Variants in FCF1 observed in about 807,000 individuals in gnomAD.
FCF1 encodes FCF1 rRNA-processing protein.
FCF1 carries 17 observed loss-of-function variants against 32.5 expected under a neutral mutation model. That is an observed-to-expected ratio of 0.52 (90% CI 0.36 to 0.78). The LOEUF (loss-of-function observed/expected upper bound fraction) is 0.78, where lower values mean the gene tolerates loss of function less well. FCF1 is among the 30% of genes least tolerant of loss of function. The pLI is 0.00. For missense variants in FCF1, 201 were observed against 241.1 expected (o/e 0.83, Z 1.10); for synonymous variants, 84 against 78.4 (o/e 1.07, Z -0.38).
At chr14:74,713,361 G>A in intron 1 of FCF1, 124 bp from the exon 2 acceptor site, 1 of 1,550,108 alleles carries the variant, frequency 6.5e-7, no homozygotes, top group Non-Finnish European at 8.8e-7. Flanking sequence ...ATGCTTTACA[G>A]AGTGGGGAAG....
At position 74,719,911 on chromosome 14, in the gene FCF1, C is replaced by T. The variant is rs115977737; in HGVS notation, c.293-3361C>T. Reference sequence around the variant, plus strand: ...CCCAGCACTTTGGGAGGCCGAAGCACGCGGACTACCTGAGGTCTGGAGTTC... The same window carrying T: ...CCCAGCACTTTGGGAGGCCGAAGCATGCGGACTACCTGAGGTCTGGAGTTC... On this transcript the variant is annotated intron_variant, in intron 4 of 7. Transcript: ENST00000341162. Among the ~76,000 whole-genome samples, 1,131 of 151,968 alleles carry T rather than the reference C, an allele frequency of 7.4e-3. 10 individuals carry two copies. Among genetic ancestry groups the T allele is most frequent in the African/African-American group, 0.026 (1,068 of 41,452 alleles).
chr14:74,719,434 A>G lies in FCF1; in HGVS notation c.292+3335A>G, dbSNP rs528999110. ...CAGGAGTTCAAGACCAGCCTGGGCA[A>G]CATGGTGTGACCGCATCTCTACAAA... On this transcript the variant is annotated intron_variant, in intron 4 of 7. Coordinates refer to ENST00000341162, the MANE Select transcript of FCF1 (RefSeq NM_015962.5). Among the ~76,000 whole-genome samples, 4 of 151,934 alleles carry G rather than the reference A, an allele frequency of 2.6e-5. No homozygotes were observed. The East Asian group carries it at 7.8e-4, about 29-fold the overall frequency.
rs142709021 is a variant in FCF1 at position 74,717,364 on chromosome 14, A to C, written c.292+1265A>C. On this transcript the variant is annotated intron_variant, in intron 4 of 7. Transcript: ENST00000341162. ...AAACTCCATCTAAAAAAAAAAAAGA[A>C]TGGCTGCATACATTTATTAGCTGCA... Among the ~76,000 whole-genome samples the C allele has an allele frequency of 4.3e-3, 651 of 152,202 alleles. 3 individuals carry two copies. Among genetic ancestry groups the C allele is most frequent in the Middle Eastern group, 0.027 (8 of 294 alleles).
chr14:74,713,365 G>A (rs2090359669), intron 1 of FCF1, 120 bp from the exon 2 acceptor site: 1 of 1,548,000 alleles, frequency 6.5e-7, no homozygotes, highest in East Asian at 2.3e-5. Context: ...TTTACAGAGT[G>A]GGGAAGAGGG....
At chr14:74,717,180 AC>A (rs143512112) in intron 4 of FCF1, among the ~76,000 whole-genome samples, 34,433 of 152,026 alleles carry the variant, frequency 0.23, 4,049 homozygotes, top group South Asian at 0.31. Context: ...ACAAGGTGAA[AC>A]CCCATATCTA....
Position 74,713,219 on chromosome 14 carries a change from A to G in FCF1, c.3+19A>G. On this transcript the variant is annotated intron_variant, in intron 1 of 7. Transcript: ENST00000341162. ...GACCATGGTGAGAGAAGACGGTCCA[A>G]GAAGGGACGTTATCAGGCCACTTTT... 2 of 1,614,238 alleles carry G rather than the reference A, an allele frequency of 1.2e-6. No homozygotes were observed. Among genetic ancestry groups the G allele is most frequent in the Non-Finnish European group, 8.5e-7 (1 of 1,180,044 alleles).
rs1212361164 is a variant in FCF1, at chr14:74,736,841, T to TA, written c.*1912dup. The TA allele has an allele frequency of 6.6e-6, 1 of 152,116 alleles. No individual in the cohort carries two copies. The highest frequency in any genetic ancestry group is 2.4e-5 in the African/African-American group (1 of 41,392). 9.4% of individuals were successfully genotyped at this position (152,116 alleles called of 1,614,324 possible). On this transcript the variant is annotated 3_prime_UTR_variant, in exon 8 of 8. Coordinates refer to ENST00000341162, the MANE Select transcript of FCF1 (RefSeq NM_015962.5). The stretch of plus-strand genomic sequence containing the variant: ...ATGGTCCTGCCCTCAAGACACTCAT[T>TA]ATGGTGGGAAAGAAAAACATGTAAA...
intron 5 of FCF1, among the ~76,000 whole-genome samples, chr14:74,725,704 G>A (rs866258953): frequency 3.5e-4 from 53 of 151,884 alleles, no homozygotes; most frequent in Middle Eastern, 3.4e-3. Context: ...GGAGGCCGAG[G>A]CGGGTGGATC....
chr14:74,732,492 C>T (rs1566722140), intron 5 of FCF1, among the ~76,000 whole-genome samples: 1 of 152,128 alleles, frequency 6.6e-6, no homozygotes, highest in African/African-American at 2.4e-5. Context: ...AAGCCTACTT[C>T]CTCATCTGTA....
chr14:74,726,053 T>A (rs2090574083), intron 5 of FCF1, among the ~76,000 whole-genome samples: 1 of 151,452 alleles, frequency 6.6e-6, no homozygotes, highest in Non-Finnish European at 1.5e-5. Context: ...AGTGAGACCT[T>A]GTCTCTTTAA....
rs1307915249 is a variant in FCF1, at chr14:74,715,954, C to G, written c.147C>G (p.Pro49=). 6.2e-7 allele frequency: 1 copy of G among 1,613,630 alleles called. No homozygotes were observed. The stretch of plus-strand genomic sequence containing the variant: ...TCTTGTTTTCTTTTTCCTTCAGTCC[C>G]CAACACCCTTCCTGCTTATTTTTCC... ...DPSALKEREV[P]QHPSCLFFQY... is the part of the protein sequence containing the mutation. The change falls in exon 4 of 8, where the codon CCC becomes CCG. Residue 49 remains proline (P), a synonymous_variant. Coordinates refer to ENST00000341162, the MANE Select transcript of FCF1 (RefSeq NM_015962.5).
At chr14:74,725,480 CAAAAAAAAAAAAAAAA>C (rs35508938) in intron 5 of FCF1, among the ~76,000 whole-genome samples, 1 of 40,002 alleles carries the variant, frequency 2.5e-5, no homozygotes, top group Non-Finnish European at 4.1e-5. Flanking sequence ...ACCCTGTCTC[CAAAAAAAAAAAAAAAA>C]AAAAAAAAAA....
At chr14:74,718,324 C>G (rs1025994539) in intron 4 of FCF1, among the ~76,000 whole-genome samples, 1 of 152,148 alleles carries the variant, frequency 6.6e-6, no homozygotes, top group African/African-American at 2.4e-5. Flanking sequence ...GCCTATGAAT[C>G]CTGAGGCTGT....
chr14:74,717,953 C>T (rs1015515779), intron 4 of FCF1, among the ~76,000 whole-genome samples: 2 of 152,162 alleles, frequency 1.3e-5, no homozygotes, highest in South Asian at 2.1e-4. Flanking sequence ...CAGCTCACTG[C>T]GACCTCCGCC....
intron 5 of FCF1, among the ~76,000 whole-genome samples, chr14:74,725,661 G>T (rs967901679): frequency 6.6e-6 from 1 of 151,714 alleles, no homozygotes; most frequent in Non-Finnish European, 1.5e-5. Context: ...CCAGCCAGGC[G>T]CAGTGGCTCA....
In FCF1 at chr14:74,735,179, C is replaced by A; in HGVS notation, c.*249C>A. 1 of 413,020 alleles carries A rather than the reference C, an allele frequency of 2.4e-6. No homozygotes were observed. Among genetic ancestry groups the A allele is most frequent in the African/African-American group, 2.0e-5 (1 of 49,216 alleles). The allele number at this position is 413,020 out of a possible 1,614,324, so 25.6% of individuals were successfully genotyped here. ...TGGGGGGAATCTGTGCAGGGGGAAG[C>A]ATATTACAGAAGCAAGAAAGACAGT... On this transcript the variant is annotated 3_prime_UTR_variant, in exon 8 of 8. Transcript: ENST00000341162.
chr14:74,723,524 C>T (rs1483174006), intron 5 of FCF1, among the ~76,000 whole-genome samples, 180 bp downstream of exon 5: 1 of 151,976 alleles, frequency 6.6e-6, no homozygotes, highest in Non-Finnish European at 1.5e-5. Context: ...AGTGTCTAAA[C>T]TTTTAATAGA....
chr14:74,732,449 G>C (rs1190394787), intron 5 of FCF1, among the ~76,000 whole-genome samples: 1 of 152,132 alleles, frequency 6.6e-6, no homozygotes, highest in Non-Finnish European at 1.5e-5. Context: ...TTTCCCAGCT[G>C]TATAGCTTTG....
intron 1 of FCF1, 106 bp from the exon 2 acceptor site, chr14:74,713,379 G>A (rs945894204): frequency 3.2e-6 from 5 of 1,545,298 alleles, no homozygotes; most frequent in Admixed American, 3.7e-5. Context: ...AAGAGGGTCT[G>A]GGTTATTTGA....
Sources: gnomAD v4.1 joint callset for allele counts (sites outside exome capture counted in the v4.1 genomes callset) on GRCh38, gnomAD v4.1.1 for gene constraint, MANE v1.5 for transcripts, NCBI Gene and HGNC (gene_info 2026-07-23, HGNC 2026-07-21) for gene names.